Variants in A4GNT observed in about 807,000 individuals in gnomAD.
A4GNT encodes alpha-1,4-N-acetylglucosaminyltransferase.
Under a neutral mutation model 8.3 loss-of-function variants are expected in A4GNT, and 6 were observed. The observed-to-expected ratio is 0.72, with a 90% confidence interval of 0.39 to 1.42. The LOEUF (loss-of-function observed/expected upper bound fraction) is 1.42, where lower values mean the gene tolerates loss of function less well. Ranked by LOEUF, A4GNT falls within the 40% of genes most tolerant of loss-of-function variation. The probability of loss-of-function intolerance (pLI) is 0.02; values close to 1 mark genes in which losing one functional copy is unlikely to be tolerated. For synonymous variants in A4GNT, 157 were observed against 159.8 expected, an observed-to-expected ratio of 0.98 and a Z score of 0.13; for missense variants, 377 against 417.0, an observed-to-expected ratio of 0.90 and a Z score of 0.84.
At chr3:138,131,660 T>C (rs1327339758) in intron 1 of A4GNT, among the ~76,000 whole-genome samples, 1 of 152,172 alleles carries the variant, frequency 6.6e-6, no homozygotes, top group Non-Finnish European at 1.5e-5. Flanking sequence ...TGATTTGACA[T>C]TAAAAATAAT....
At chr3:138,125,011 C>T in intron 2 of A4GNT, 133 bp from the exon 3 acceptor site, 4 of 1,215,480 alleles carry the variant, frequency 3.3e-6, no homozygotes, top group Admixed American at 3.0e-5. Context: ...TTGCCACAGC[C>T]CGATTTTGCA....
At chr3:138,128,960 C>T (rs1394587841) in intron 2 of A4GNT, among the ~76,000 whole-genome samples, 3 of 152,118 alleles carry the variant, frequency 2.0e-5, no homozygotes, top group African/African-American at 4.8e-5. Context: ...GAGATATGCA[C>T]TTTGGGATGT....
chr3:138,125,752 C>T (rs2042741609), intron 2 of A4GNT, among the ~76,000 whole-genome samples: 1 of 152,184 alleles, frequency 6.6e-6, no homozygotes, highest in African/African-American at 2.4e-5. Flanking sequence ...ACCTCCCTTC[C>T]TGGTTCATAT....
chr3:138,124,687 G>A lies in A4GNT; in HGVS notation c.600C>T (p.His200=), dbSNP rs766342848. ...CCATGCATTCCCACAAAAAGGGGTG[G>A]TGGGGGAGGAACCCAAATATTCCAT... ...SSNGIFGFLP[H]HPFLWECMEN... Residue 200 remains histidine (H), a synonymous_variant, in exon 3 of 3, where the codon CAC becomes CAT. Transcript: ENST00000236709. 2 of 1,614,124 alleles carry A rather than the reference G, an allele frequency of 1.2e-6. No individual in the cohort carries two copies. Among genetic ancestry groups the A allele is most frequent in the South Asian group, 1.1e-5 (1 of 91,086 alleles).
At position 138,132,250 on chromosome 3, in the gene A4GNT, AAGG is replaced by A. The variant is rs1458288657; in HGVS notation, c.-68_-66del. 1.3e-5 allele frequency: 2 copies of A among 152,236 alleles called. No homozygotes were observed. Among genetic ancestry groups the A allele is most frequent in the Non-Finnish European group, 2.9e-5 (2 of 68,040 alleles). 9.4% of individuals were successfully genotyped at this position (152,236 alleles called of 1,614,324 possible). A position where few individuals can be genotyped will look rare whatever the true frequency, so the allele number is the denominator to read the frequency against. ...CTCACCAAAAATGTTAGCTCTAACC[AAGG>A]AGAACACAGATCTCACGTCTTGGCA... On this transcript the variant is annotated 5_prime_UTR_variant, in exon 1 of 3. Coordinates refer to ENST00000236709, the MANE Select transcript of A4GNT (RefSeq NM_016161.3).
Position 138,123,713 on chromosome 3 carries a change from C to G in A4GNT, c.*551G>C, listed in dbSNP as rs2042727938. On this transcript the variant is annotated 3_prime_UTR_variant, in exon 3 of 3. Coordinates refer to ENST00000236709, the MANE Select transcript of A4GNT (RefSeq NM_016161.3). ...TCTAAATCAATGTTTGGCACATAGA[C>G]CAGGCTCAGTTAATATTTATTGACT... is the stretch of plus-strand genomic sequence containing the variant. The G allele has an allele frequency of 6.5e-6, 1 of 152,828 alleles. No individual in the cohort carries two copies. Among genetic ancestry groups the G allele is most frequent in the African/African-American group, 2.4e-5 (1 of 41,424 alleles). The allele number at this position is 152,828 out of a possible 1,614,324, so 9.5% of individuals were successfully genotyped here.
chr3:138,124,676 A>G lies in A4GNT; in HGVS notation c.611T>C (p.Leu204Ser), dbSNP rs1235821987. 1.2e-6 allele frequency: 2 copies of G among 1,614,104 alleles called. No individual in the cohort carries two copies. The highest frequency in any genetic ancestry group is 1.7e-6 in the Non-Finnish European group (2 of 1,180,056). ...AACAAAGTTTTCCATGCATTCCCAC[A>G]AAAAGGGGTGGTGGGGGAGGAACCC... is the stretch of plus-strand genomic sequence containing the variant. The part of the protein sequence containing the change: ...IFGFLPHHPF[L>S]WECMENFVEH... The change falls in exon 3 of 3, where the codon TTG becomes TCG. Residue 204 changes from leucine to serine, a missense_variant. Transcript: ENST00000236709.
At position 138,124,612 on chromosome 3, in the gene A4GNT, A is replaced by G; in HGVS notation, c.675T>C (p.Pro225=). 6.2e-7 allele frequency: 1 copy of G among 1,614,222 alleles called. No individual in the cohort carries two copies. The highest frequency in any genetic ancestry group is 1.1e-5 in the South Asian group (1 of 91,074). The change falls in exon 3 of 3, where the codon CCT becomes CCC. Residue 225 remains proline, a synonymous_variant. Coordinates refer to ENST00000236709, the MANE Select transcript of A4GNT (RefSeq NM_016161.3). The stretch of plus-strand genomic sequence containing the variant: ...CCCTCAACATCCTTGTCATCAACTC[A>G]GGGCCTTGGTTGCCCCAAATGGCTG... The part of the protein sequence containing the change: ...YNSAIWGNQG[P]ELMTRMLRVW...
chr3:138,124,454 T>C lies in A4GNT; in HGVS notation c.833A>G (p.Glu278Gly), dbSNP rs1164768115. The C allele has an allele frequency of 2.5e-6, 4 of 1,614,208 alleles. No homozygotes were observed. The Admixed American group carries it at 5.0e-5, about 20-fold the overall frequency. ...GGCATAAGAGACATTGAAGCTTGGC[T>C]CTGTATCCCACACTTCATAGTAGCG... ...WRRYYEVWDTEPSFNVSYALH... is the reference protein window; with the variant it reads ...WRRYYEVWDTGPSFNVSYALH... Residue 278 changes from glutamate to glycine, a missense_variant, in exon 3 of 3, where the codon GAG becomes GGG. Transcript: ENST00000236709.
At chr3:138,132,793 T>C (rs1158261392), upstream of A4GNT, among the ~76,000 whole-genome samples, 1 of 152,072 alleles carries the variant, frequency 6.6e-6, no homozygotes, top group Non-Finnish European at 1.5e-5. Flanking sequence ...AGAGAGCCCA[T>C]CACCACAAAT....
Position 138,131,118 on chromosome 3 carries a change from T to A in A4GNT, c.139A>T (p.Ser47Cys). The change falls in exon 2 of 3, where the codon AGC becomes TGC. Residue 47 changes from serine to cysteine, a missense_variant. Physicochemically the swap from Ser to Cys is moderately radical, Grantham distance 112 (BLOSUM62 -1). Transcript: ENST00000236709. ...AGAAACACAATGCCACGTCTGTGGC[T>A]CAGGAGGGCTTCCAGCCCCTGGTGG... ...KSHQGLEALL[S>C]HRRGIVFLET... 6.2e-7 allele frequency: 1 copy of A among 1,613,634 alleles called. No individual in the cohort carries two copies. The highest frequency in any genetic ancestry group is 8.5e-7 in the Non-Finnish European group (1 of 1,179,734).
rs370015533 is a variant in A4GNT, at chr3:138,124,177, C to A, written c.*87G>T. On this transcript the variant is annotated 3_prime_UTR_variant, in exon 3 of 3. Transcript: ENST00000236709. ...GAGAGGCAACCCTCTGCCCACCCCG[C>A]CAAGAGACAGTGGAGATCAAGTGAA... The A allele has an allele frequency of 2.6e-5, 40 of 1,522,590 alleles. 1 individual carries two copies. The highest frequency in any genetic ancestry group is 6.1e-5 in the Admixed American group (3 of 48,910). The allele number at this position is 1,522,590 out of a possible 1,614,324, so 94.3% of individuals were successfully genotyped here. A position where few individuals can be genotyped will look rare whatever the true frequency, so the allele number is the denominator to read the frequency against.
chr3:138,127,967 A>G (rs1480541583), intron 2 of A4GNT, among the ~76,000 whole-genome samples: 1 of 152,218 alleles, frequency 6.6e-6, no homozygotes, highest in African/African-American at 2.4e-5. Flanking sequence ...CCTAAAATCC[A>G]ACATAGTAAA....
chr3:138,126,348 T>A (rs1169099481), intron 2 of A4GNT, among the ~76,000 whole-genome samples: 5 of 151,874 alleles, frequency 3.3e-5, no homozygotes, highest in African/African-American at 1.2e-4. Context: ...AATGCTAAGA[T>A]TCTGAAGAGA....
Position 138,124,354 on chromosome 3 carries a change from G to A in A4GNT, c.933C>T (p.Leu311=). 1 of 1,614,238 alleles carries A rather than the reference G, an allele frequency of 6.2e-7. No homozygotes were observed. The highest frequency in any genetic ancestry group is 8.5e-7 in the Non-Finnish European group (1 of 1,180,048). Residue 311 remains leucine, a synonymous_variant, in exon 3 of 3, where the codon CTC becomes CTT. Transcript: ENST00000236709. ...AAGTCCTGGGACAGTGCTTGCGATA[G>A]AGATTTTCCACCAGTGTGTTGCTTC... is the stretch of plus-strand genomic sequence containing the variant. The part of the protein sequence containing the change: ...IRGSNTLVEN[L]YRKHCPRTYR...
chr3:138,129,345 A>T (rs2042763544), intron 2 of A4GNT, among the ~76,000 whole-genome samples: 1 of 152,180 alleles, frequency 6.6e-6, no homozygotes, highest in Non-Finnish European at 1.5e-5. Flanking sequence ...ATGGATAGAC[A>T]GAGGGAGATT....
In A4GNT at chr3:138,128,955, A is replaced by G. The variant is rs2042761495; in HGVS notation, c.408+1894T>C. ...TTCAAGTTTCTTCAGAAGGAGAGAT[A>G]TGCACTTTGGGATGTAGAAGTCACT... On this transcript the variant is annotated intron_variant, in intron 2 of 2. Transcript: ENST00000236709. 2.0e-5 allele frequency among the ~76,000 whole-genome samples: 3 copies of G among 152,226 alleles called. No homozygotes were observed. The South Asian group carries it at 6.2e-4, about 32-fold the overall frequency.
rs2042731502 is a variant in A4GNT, at chr3:138,124,337, G to A, written c.950C>T (p.Pro317Leu). ...TTTAATCAGGTCCCTGTAAGTCCTG[G>A]GACAGTGCTTGCGATAGAGATTTTC... ...LVENLYRKHC[P>L]RTYRDLIKGP... Residue 317 changes from proline (P) to leucine (L), a missense_variant, in exon 3 of 3, where the codon CCC becomes CTC. Pro to Leu is a moderately conservative substitution (Grantham distance 98, BLOSUM62 -3). Transcript: ENST00000236709. 1.9e-6 allele frequency: 3 copies of A among 1,614,164 alleles called. No homozygotes were observed. The highest frequency in any genetic ancestry group is 2.5e-6 in the Non-Finnish European group (3 of 1,180,026).
chr3:138,130,154 A>G (rs1576523433), intron 2 of A4GNT, among the ~76,000 whole-genome samples: 1 of 151,940 alleles, frequency 6.6e-6, no homozygotes, highest in African/African-American at 2.4e-5. Flanking sequence ...TTATAATTAC[A>G]TTATGACATA....
Sources: gnomAD v4.1 joint callset for allele counts (sites outside exome capture counted in the v4.1 genomes callset) on GRCh38, gnomAD v4.1.1 for gene constraint, MANE v1.5 for transcripts, NCBI Gene and HGNC (gene_info 2026-07-23, HGNC 2026-07-21) for gene names.